KIAA0825: variants seen among roughly 807,000 people sequenced by gnomAD.
KIAA0825 encodes the protein KIAA0825, also known as uncharacterized protein KIAA0825.
In KIAA0825, 119 loss-of-function variants were observed where a neutral mutation model predicts 147.6. The observed-to-expected ratio is 0.81, with a 90% CI of 0.69 to 0.94. The LOEUF (loss-of-function observed/expected upper bound fraction) is 0.94, where lower values mean the gene tolerates loss of function less well. KIAA0825 is among the 40% of genes least tolerant of loss of function. The pLI is 0.00. For missense variants in KIAA0825, 1,381 were observed against 1,472.7 expected (o/e 0.94, Z 1.02); for synonymous variants, 470 against 518.1 (o/e 0.91, Z 1.26).
intron 20 of KIAA0825, among the ~76,000 whole-genome samples, chr5:94,159,452 G>A (rs1767341647): frequency 6.6e-6 from 1 of 152,084 alleles, no homozygotes; most frequent in East Asian, 1.9e-4. Context: ...TTCTACTTGT[G>A]TCAAGTGGTT....
chr5:94,362,799 A>G (rs1264435104), intron 20 of KIAA0825, among the ~76,000 whole-genome samples: 1 of 152,218 alleles, frequency 6.6e-6, no homozygotes, highest in African/African-American at 2.4e-5. Flanking sequence ...AGATTTATCT[A>G]TTTACTCAAA....
chr5:94,236,733 C>A (rs1775062548), intron 20 of KIAA0825, among the ~76,000 whole-genome samples: 1 of 152,154 alleles, frequency 6.6e-6, no homozygotes, highest in Non-Finnish European at 1.5e-5. Context: ...CCTTCAGCAA[C>A]CACCACTCTG....
intron 20 of KIAA0825, among the ~76,000 whole-genome samples, chr5:94,181,324 A>G (rs1769593016): frequency 6.6e-6 from 1 of 152,186 alleles, no homozygotes; most frequent in Admixed American, 6.5e-5. Context: ...TTCCTCTACA[A>G]CAAGAATTAC....
rs1281621459 is a variant in KIAA0825 at position 94,462,504 on chromosome 5, T to C, written c.2129A>G (p.Gln710Arg). 1.9e-6 allele frequency: 3 copies of C among 1,546,014 alleles called. No homozygotes were observed. The highest frequency in any genetic ancestry group is 2.6e-6 in the Non-Finnish European group (3 of 1,144,054). Residue 710 changes from glutamine (Q) to arginine (R), a missense_variant, in exon 12 of 21, where the codon CAG becomes CGG. By Grantham distance (43) the Gln-to-Arg change is conservative. Transcript: ENST00000682413. Reference sequence around the variant, plus strand: ...ATGCTGATGAGGATTCAAAAGTTTCTGTACAGATGTACAAACTGACCATAA... The same window carrying C: ...ATGCTGATGAGGATTCAAAAGTTTCCGTACAGATGTACAAACTGACCATAA... Reference protein sequence around the residue: ...NMLWSVCTSVQKLLNPHQHTD... With the variant: ...NMLWSVCTSVRKLLNPHQHTD...
At chr5:94,318,681 A>G (rs770686345) in intron 20 of KIAA0825, among the ~76,000 whole-genome samples, 2 of 151,920 alleles carry the variant, frequency 1.3e-5, no homozygotes, top group Non-Finnish European at 2.9e-5. Flanking sequence ...TCAACAGATC[A>G]GGAAGAGTAA....
chr5:94,342,009 T>C (rs926078434), intron 20 of KIAA0825, among the ~76,000 whole-genome samples: 5 of 152,052 alleles, frequency 3.3e-5, no homozygotes, highest in Non-Finnish European at 7.4e-5. Flanking sequence ...CTGGCCAACG[T>C]GGTGAAACCC....
chr5:94,592,810 A>G, intron 1 of KIAA0825: 1 of 454,892 alleles, frequency 2.2e-6, no homozygotes, highest in Non-Finnish European at 4.1e-6. Flanking sequence ...GGTTACAAAT[A>G]TGCTTCGGCT....
At chr5:94,517,817 G>A (rs1767509080) in intron 5 of KIAA0825, among the ~76,000 whole-genome samples, 1 of 151,872 alleles carries the variant, frequency 6.6e-6, no homozygotes, top group Admixed American at 6.6e-5. Context: ...TCAGAGAAAT[G>A]TTTTTAAATT....
chr5:94,474,488 GAAA>G (rs1288353122), intron 7 of KIAA0825, among the ~76,000 whole-genome samples: 20 of 152,140 alleles, frequency 1.3e-4, no homozygotes, highest in African/African-American at 4.6e-4. Flanking sequence ...TTTTTTGCTA[GAAA>G]AACAACAGAG....
chr5:94,537,765 A>T (rs1236828027), intron 2 of KIAA0825, among the ~76,000 whole-genome samples: 1 of 152,120 alleles, frequency 6.6e-6, no homozygotes, highest in Non-Finnish European at 1.5e-5. Context: ...GAGCCCACAG[A>T]CCACTGTGAA....
At chr5:94,315,767 T>C (rs1027232640) in intron 20 of KIAA0825, among the ~76,000 whole-genome samples, 11 of 151,722 alleles carry the variant, frequency 7.3e-5, no homozygotes, top group African/African-American at 2.7e-4. Flanking sequence ...TACAGTTTGA[T>C]AGCTTCAAGG....
In KIAA0825 at chr5:94,322,411, C is replaced by T. The variant is rs575251850; in HGVS notation, c.3710+61957G>A. On this transcript the variant is annotated intron_variant, in intron 20 of 20. Transcript: ENST00000682413. ...CCAGACTAAATCAAGGTTACTCATA[C>T]GTAATCTAACTGCCAAATAGGGCCA... is the stretch of plus-strand genomic sequence containing the variant. 3.8e-4 allele frequency among the ~76,000 whole-genome samples: 58 copies of T among 151,804 alleles called. 1 individual carries two copies. The highest frequency in any genetic ancestry group is 3.4e-3 in the Middle Eastern group (1 of 294).
At chr5:94,594,824 G>A (rs910331187) in intron 1 of KIAA0825, 6 of 439,136 alleles carry the variant, frequency 1.4e-5, no homozygotes, top group Non-Finnish European at 2.6e-5. Flanking sequence ...GTGTTATCAT[G>A]TGTCACATTT....
chr5:94,394,819 C>T (rs1750415259), intron 17 of KIAA0825, among the ~76,000 whole-genome samples: 1 of 152,116 alleles, frequency 6.6e-6, no homozygotes, highest in South Asian at 2.1e-4. Context: ...ACGGTCACTG[C>T]CAATGTTACT....
chr5:94,609,719 CAGG>C (rs1561392080), intron 1 of KIAA0825, among the ~76,000 whole-genome samples: 1 of 152,102 alleles, frequency 6.6e-6, no homozygotes, highest in African/African-American at 2.4e-5. Context: ...GAGGCCGAGG[CAGG>C]AGAATTGCTT....
intron 5 of KIAA0825, among the ~76,000 whole-genome samples, chr5:94,502,283 T>C (rs577562379): frequency 1.3e-3 from 193 of 152,300 alleles, no homozygotes; most frequent in Non-Finnish European, 2.1e-3. Flanking sequence ...AATATTTTTC[T>C]AAATCCAGCA....
intron 17 of KIAA0825, among the ~76,000 whole-genome samples, chr5:94,393,440 T>C (rs1750180407): frequency 6.6e-6 from 1 of 152,246 alleles, no homozygotes; most frequent in Non-Finnish European, 1.5e-5. Context: ...TGAATAGTAA[T>C]GCTTTCAGGC....
intron 5 of KIAA0825, among the ~76,000 whole-genome samples, chr5:94,508,326 T>A (rs1766014537): frequency 6.6e-6 from 1 of 152,172 alleles, no homozygotes; most frequent in African/African-American, 2.4e-5. Context: ...TTATAAAAAA[T>A]CATCTTCATT....
chr5:94,239,449 G>T (rs910168717), intron 20 of KIAA0825, among the ~76,000 whole-genome samples: 3 of 152,170 alleles, frequency 2.0e-5, no homozygotes, highest in Non-Finnish European at 4.4e-5. Context: ...CTAGTACAAA[G>T]TATTTTGTTA....
Sources: gnomAD v4.1 joint callset for allele counts (sites outside exome capture counted in the v4.1 genomes callset) on GRCh38, gnomAD v4.1.1 for gene constraint, MANE v1.5 for transcripts, NCBI Gene and HGNC (gene_info 2026-07-23, HGNC 2026-07-21) for gene names.